NAF1: variants seen among roughly 807,000 people sequenced by gnomAD.
The protein encoded by NAF1 is H/ACA ribonucleoprotein complex non-core subunit NAF1.
In NAF1, 11 loss-of-function variants were observed where a neutral mutation model predicts 40.6. The ratio of observed to expected loss-of-function variants is 0.27; its 90% CI spans 0.17 to 0.45. The LOEUF (loss-of-function observed/expected upper bound fraction) is 0.45. NAF1 is among the 20% of genes least tolerant of loss of function. NAF1 has a pLI of 1.00. For missense variants in NAF1, 607 were observed against 611.1 expected, an observed-to-expected ratio of 0.99 and a Z score of 0.07; for synonymous variants, 260 against 228.5, an observed-to-expected ratio of 1.14 and a Z score of -1.24.
chr4:163,162,361 C>A (rs139691239), intron 2 of NAF1, among the ~76,000 whole-genome samples: 1 of 152,292 alleles, frequency 6.6e-6, no homozygotes, highest in Non-Finnish European at 1.5e-5. Flanking sequence ...GGAAACTCAT[C>A]AATTCCTCTA....
chr4:163,142,066 G>T, intron 4 of NAF1: 1 of 317,278 alleles, frequency 3.2e-6, no homozygotes, highest in Non-Finnish European at 4.6e-6. Flanking sequence ...AAGTGTAAAA[G>T]CAAAAAACTT....
chr4:163,116,753 T>C (rs1010945219), intron 2 of NAF1, among the ~76,000 whole-genome samples: 1 of 152,228 alleles, frequency 6.6e-6, no homozygotes, highest in Admixed American at 6.5e-5. Flanking sequence ...TGTTAATGTT[T>C]ACTACCTCAC....
chr4:163,157,293 A>C (rs977751810), intron 2 of NAF1: 7 of 151,860 alleles, frequency 4.6e-5, no homozygotes, highest in African/African-American at 1.7e-4. Flanking sequence ...AAACCAAATA[A>C]TGAGAAAGTC....
chr4:163,114,451 T>C (rs2110808659), intron 2 of NAF1, among the ~76,000 whole-genome samples: 1 of 152,280 alleles, frequency 6.6e-6, no homozygotes, highest in East Asian at 1.9e-4. Context: ...TTCCAGAAAA[T>C]TTATTTTCAA....
intron 2 of NAF1, among the ~76,000 whole-genome samples, chr4:163,114,547 A>C (rs1579116180): frequency 6.6e-6 from 1 of 152,336 alleles, no homozygotes; most frequent in South Asian, 2.1e-4. Flanking sequence ...TCACGTGTTA[A>C]ACCAATCTCG....
intron 6 of NAF1, chr4:163,135,027 C>T (rs972511763): frequency 6.6e-6 from 1 of 152,086 alleles, no homozygotes; most frequent in Non-Finnish European, 1.5e-5. Context: ...TTCAAATTTC[C>T]ATTCATTAAA....
At chr4:163,150,798 T>A (rs1020615412) in intron 2 of NAF1, among the ~76,000 whole-genome samples, 5 of 152,158 alleles carry the variant, frequency 3.3e-5, no homozygotes, top group Non-Finnish European at 7.4e-5. Flanking sequence ...GTGGTCCTGA[T>A]AGACTAAAAC....
chr4:163,141,305 A>C (rs1731253143), intron 4 of NAF1, among the ~76,000 whole-genome samples: 1 of 152,210 alleles, frequency 6.6e-6, no homozygotes. Flanking sequence ...CAGAGGTTGC[A>C]GTGAACCGAG....
chr4:163,155,670 A>G (rs1464188530), intron 2 of NAF1, among the ~76,000 whole-genome samples: 3 of 152,144 alleles, frequency 2.0e-5, no homozygotes, highest in Non-Finnish European at 4.4e-5. Flanking sequence ...GCTCCCTGAA[A>G]ACACACCTGC....
chr4:163,159,400 T>C (rs945526109), intron 2 of NAF1, among the ~76,000 whole-genome samples: 2 of 152,144 alleles, frequency 1.3e-5, no homozygotes, highest in Non-Finnish European at 2.9e-5. Flanking sequence ...TAGAATTTAA[T>C]AGTTCCAAAT....
At chr4:163,145,723 G>A (rs1165086101) in intron 4 of NAF1, 59 bp downstream of exon 4, 2 of 1,130,062 alleles carry the variant, frequency 1.8e-6, no homozygotes, top group Non-Finnish European at 2.6e-6. Flanking sequence ...GATGGGGAAA[G>A]TCAGAAAAAA....
intron 2 of NAF1, among the ~76,000 whole-genome samples, chr4:163,115,748 G>A (rs953926717): frequency 1.1e-4 from 17 of 152,120 alleles, no homozygotes; most frequent in African/African-American, 3.6e-4. Flanking sequence ...AAACAGAAAA[G>A]AAGTCAAGTT....
In NAF1 at chr4:163,148,208, C is replaced by T. The variant is rs961208458; in HGVS notation, c.634+133G>A. ...AGTATATGAAAACTGAATTTTATCC[C>T]TTCAAACTTAATGACTATAAAATAA... is the stretch of plus-strand genomic sequence containing the variant. On this transcript the variant is annotated intron_variant, in intron 3 of 7. Coordinates refer to ENST00000274054, the MANE Select transcript of NAF1 (RefSeq NM_138386.3). The T allele has an allele frequency of 1.1e-5, 5 of 440,990 alleles. No homozygotes were observed. The East Asian group carries it at 1.8e-4, about 16-fold the overall frequency. 27.3% of individuals were successfully genotyped at this position (440,990 alleles called of 1,614,324 possible). A position where few individuals can be genotyped will look rare whatever the true frequency, so the allele number is the denominator to read the frequency against.
intron 2 of NAF1, among the ~76,000 whole-genome samples, chr4:163,117,897 T>G (rs1182595075): frequency 6.6e-6 from 1 of 152,162 alleles, no homozygotes; most frequent in Non-Finnish European, 1.5e-5. Context: ...CATCTGAAGT[T>G]GAATTTTTTT....
chr4:163,127,941 C>T (rs1730716876), downstream of NAF1, among the ~76,000 whole-genome samples: 1 of 152,210 alleles, frequency 6.6e-6, no homozygotes, highest in Non-Finnish European at 1.5e-5. Context: ...CTTGTCAACT[C>T]ACTAGCTGAG....
intron 2 of NAF1, chr4:163,157,519 A>G (rs183331522): frequency 6.6e-6 from 1 of 152,122 alleles, no homozygotes; most frequent in Admixed American, 6.5e-5. Flanking sequence ...ACGACAATTT[A>G]AATGTCCAAC....
In NAF1 at chr4:163,154,372, T is replaced by C. The variant is rs574850356; in HGVS notation, c.541-5938A>G. 9.8e-5 allele frequency among the ~76,000 whole-genome samples: 15 copies of C among 152,298 alleles called. No homozygotes were observed. In the South Asian group the frequency reaches 2.9e-3, roughly 29 times the overall value. Reference sequence around the variant, plus strand: ...AATACTCCACAAAACATAAAAGGTATATAAAAACTAAATAGTATATACAAA... The same window carrying C: ...AATACTCCACAAAACATAAAAGGTACATAAAAACTAAATAGTATATACAAA... On this transcript the variant is annotated intron_variant, in intron 2 of 7. Transcript: ENST00000274054.
chr4:163,121,961 T>G (rs1395236711), downstream of NAF1, among the ~76,000 whole-genome samples: 1 of 152,206 alleles, frequency 6.6e-6, no homozygotes, highest in African/African-American at 2.4e-5. Context: ...AGAAAATAAC[T>G]CAATAATGGC....
intron 2 of NAF1, among the ~76,000 whole-genome samples, chr4:163,116,064 G>A (rs1282391975): frequency 6.6e-6 from 1 of 152,150 alleles, no homozygotes; most frequent in African/African-American, 2.4e-5. Context: ...GATTTTAGAA[G>A]TCTAAGTTCT....
Sources: gnomAD v4.1 joint callset for allele counts (sites outside exome capture counted in the v4.1 genomes callset) on GRCh38, gnomAD v4.1.1 for gene constraint, MANE v1.5 for transcripts, NCBI Gene and HGNC (gene_info 2026-07-23, HGNC 2026-07-21) for gene names.